The following SNX27 variants were observed in gnomAD, a reference collection of about 807,000 sequenced individuals.
SNX27 encodes the protein sorting nexin-27.
A neutral mutation model predicts 71.6 loss-of-function variants in SNX27; 22 were observed. The observed-to-expected ratio is 0.31, with a 90% CI of 0.22 to 0.44. The LOEUF is 0.44. SNX27 is among the 20% of genes least tolerant of loss of function. The pLI is 1.00. For synonymous variants in SNX27, 269 were observed against 277.2 expected, an observed-to-expected ratio of 0.97 and a Z score of 0.29; for missense variants, 531 against 698.6, an observed-to-expected ratio of 0.76 and a Z score of 2.70.
intron 1 of SNX27, among the ~76,000 whole-genome samples, chr1:151,624,570 T>C (rs1667834711): frequency 6.6e-6 from 1 of 151,220 alleles, no homozygotes; most frequent in Non-Finnish European, 1.5e-5. Flanking sequence ...TAGCAGGGAC[T>C]ATAGGCACCT....
intron 1 of SNX27, among the ~76,000 whole-genome samples, chr1:151,637,745 ACT>A: frequency 6.6e-6 from 1 of 152,296 alleles, no homozygotes; most frequent in East Asian, 1.9e-4. Context: ...CAGATACCAG[ACT>A]CTGACAGAGA....
At chr1:151,643,803 G>A (rs1002021322) in intron 2 of SNX27, among the ~76,000 whole-genome samples, 11 of 152,078 alleles carry the variant, frequency 7.2e-5, no homozygotes, top group African/African-American at 2.7e-4. Context: ...TGTGATTACA[G>A]GCATGTGCCA....
chr1:151,620,318 A>G (rs1571756315), intron 1 of SNX27, among the ~76,000 whole-genome samples: 2 of 152,194 alleles, frequency 1.3e-5, no homozygotes, highest in South Asian at 2.1e-4. Flanking sequence ...TCAGTTTTAT[A>G]TAATTATTTA....
At chr1:151,628,163 T>C (rs894415197) in intron 1 of SNX27, among the ~76,000 whole-genome samples, 2 of 151,980 alleles carry the variant, frequency 1.3e-5, no homozygotes, top group African/African-American at 4.8e-5. Context: ...CCCGCCACCA[T>C]GCCCAGCTAA....
At chr1:151,629,735 G>A (rs1242111225) in intron 1 of SNX27, among the ~76,000 whole-genome samples, 1 of 151,098 alleles carries the variant, frequency 6.6e-6, no homozygotes. Flanking sequence ...GTGCCACCAT[G>A]CCCGGCTAAT....
In SNX27 at chr1:151,624,429, A is replaced by G. The variant is rs1667825459; in HGVS notation, c.311+11917A>G. Among the ~76,000 whole-genome samples the G allele has an allele frequency of 2.8e-5, 4 of 142,192 alleles. 1 individual carries two copies. The highest frequency in any genetic ancestry group is 2.6e-5 in the African/African-American group (1 of 38,982). The allele number at this position is 142,192 out of a possible 152,430, so 93.3% of individuals were successfully genotyped here. A position where few individuals can be genotyped will look rare whatever the true frequency, so the allele number is the denominator to read the frequency against. The stretch of plus-strand genomic sequence containing the variant: ...TGATTTTATATATATATATATATAT[A>G]TATGTATTTTTTTTTTTTTTGCGAT... On this transcript the variant is annotated intron_variant, in intron 1 of 11. Transcript: ENST00000458013.
intron 1 of SNX27, among the ~76,000 whole-genome samples, chr1:151,627,070 T>C (rs1029736682): frequency 6.6e-6 from 1 of 152,122 alleles, no homozygotes; most frequent in African/African-American, 2.4e-5. Flanking sequence ...GCAAAGAAAT[T>C]TGTGTGTGTA....
chr1:151,657,252 C>G (rs1669738743), intron 2 of SNX27, among the ~76,000 whole-genome samples: 1 of 152,164 alleles, frequency 6.6e-6, no homozygotes, highest in Non-Finnish European at 1.5e-5. Flanking sequence ...TGGCTCACTG[C>G]TTCCTCTGCC....
intron 7 of SNX27, among the ~76,000 whole-genome samples, chr1:151,670,534 C>G (rs1238185982): frequency 1.3e-5 from 2 of 152,150 alleles, no homozygotes; most frequent in Non-Finnish European, 1.5e-5. Context: ...GTTCCCTTTC[C>G]TCCATATCCT....
intron 7 of SNX27, among the ~76,000 whole-genome samples, chr1:151,673,120 T>G (rs1171979462): frequency 6.6e-6 from 1 of 152,042 alleles, no homozygotes; most frequent in East Asian, 1.9e-4. Context: ...AATTCCTTCT[T>G]AGTACTGCTT....
chr1:151,672,643 A>G (rs182580293), intron 7 of SNX27, among the ~76,000 whole-genome samples: 176 of 151,948 alleles, frequency 1.2e-3, no homozygotes, highest in African/African-American at 3.9e-3. Flanking sequence ...TTTACTGGAG[A>G]CTTTATTATG....
At chr1:151,621,802 A>G (rs1237648643) in intron 1 of SNX27, among the ~76,000 whole-genome samples, 1 of 152,250 alleles carries the variant, frequency 6.6e-6, no homozygotes, top group Admixed American at 6.5e-5. Flanking sequence ...GATCTTGGAA[A>G]GCATGATGGC....
chr1:151,613,557 T>C (rs1667291658), intron 1 of SNX27, among the ~76,000 whole-genome samples: 1 of 151,988 alleles, frequency 6.6e-6, no homozygotes, highest in Admixed American at 6.6e-5. Flanking sequence ...CCTAGGCTGC[T>C]TTTCCTTTCT....
intron 11 of SNX27, chr1:151,694,064 G>C: frequency 1.6e-6 from 2 of 1,239,078 alleles, no homozygotes; most frequent in Non-Finnish European, 2.0e-6. Context: ...AAGAACATTG[G>C]GCTCTGGGAA....
At chr1:151,673,211 T>G (rs1670521792) in intron 7 of SNX27, among the ~76,000 whole-genome samples, 2 of 152,114 alleles carry the variant, frequency 1.3e-5, no homozygotes. Context: ...CTTCTCAATT[T>G]CTCCATTGAC....
intron 1 of SNX27, among the ~76,000 whole-genome samples, chr1:151,622,528 A>G (rs1429330506): frequency 6.6e-6 from 1 of 152,206 alleles, no homozygotes; most frequent in Non-Finnish European, 1.5e-5. Flanking sequence ...AAGGTTATTG[A>G]TAAAACAAGT....
Position 151,692,914 on chromosome 1 carries a change from C to T in SNX27, c.1393C>T (p.Gln465Ter). The T allele has an allele frequency of 6.2e-7, 1 of 1,614,116 alleles. No homozygotes were observed. The highest frequency in any genetic ancestry group is 8.5e-7 in the Non-Finnish European group (1 of 1,180,016). The change falls in exon 10 of 12, where the codon CAG becomes TAG. Residue 465 changes from glutamine (Q) to a stop codon, truncating the protein, a stop_gained. Transcript: ENST00000458013. LOFTEE classifies it high-confidence loss of function. ...ACTEEGQLEN[Q>*]VIAFEWDEMQ... is the part of the protein sequence containing the mutation. ...CTCCCTTGTCTTGGTTGTCCAGAAC[C>T]AGGTAATTGCATTTGAATGGGATGA...
At chr1:151,617,737 A>C (rs548610640) in intron 1 of SNX27, among the ~76,000 whole-genome samples, 1 of 152,322 alleles carries the variant, frequency 6.6e-6, no homozygotes, top group African/African-American at 2.4e-5. Flanking sequence ...TTCAGTAAAT[A>C]CTTGCCAAAT....
Position 151,654,121 on chromosome 1 carries a change from G to A in SNX27, c.544-4114G>A, listed in dbSNP as rs868495768. ...GCTGGGATTACAGGCGTGAGCCACC[G>A]TGCCCGGCCGACCCTGGAGGGTTTT... On this transcript the variant is annotated intron_variant, in intron 2 of 11. Coordinates refer to ENST00000458013, the MANE Select transcript of SNX27 (RefSeq NM_001330723.2). Among the ~76,000 whole-genome samples, 12 of 152,148 alleles carry A rather than the reference G, an allele frequency of 7.9e-5. No individual in the cohort carries two copies. In the East Asian group the frequency reaches 1.3e-3, roughly 17 times the overall value.
Sources: gnomAD v4.1 joint callset for allele counts (sites outside exome capture counted in the v4.1 genomes callset) on GRCh38, gnomAD v4.1.1 for gene constraint, MANE v1.5 for transcripts, NCBI Gene and HGNC (gene_info 2026-07-23, HGNC 2026-07-21) for gene names.